IL6R: variants seen among roughly 807,000 people sequenced by gnomAD.
The protein encoded by IL6R is interleukin 6 receptor, also known as interleukin-6 receptor subunit alpha.
A neutral mutation model predicts 48.3 loss-of-function variants in IL6R; 38 were observed. The ratio of observed to expected loss-of-function variants is 0.79; its 90% CI spans 0.61 to 1.03. The LOEUF (loss-of-function observed/expected upper bound fraction) is 1.03. IL6R is among the 50% of genes least tolerant of loss of function. The probability of loss-of-function intolerance (pLI) is 0.00; values close to 1 mark genes in which losing one functional copy is unlikely to be tolerated. For missense variants in IL6R, 534 were observed against 618.3 expected, an observed-to-expected ratio of 0.86 and a Z score of 1.45; for synonymous variants, 264 against 256.2, an observed-to-expected ratio of 1.03 and a Z score of -0.29.
In IL6R at chr1:154,435,176, C is replaced by T. The variant is rs1469002347; in HGVS notation, c.807+20C>T. The T allele has an allele frequency of 9.9e-6, 16 of 1,611,850 alleles. No homozygotes were observed. Among genetic ancestry groups the T allele is most frequent in the Non-Finnish European group, 1.3e-5 (15 of 1,178,384 alleles). ...TGGATGGTAAATTTATGTTTTACTTCTGGTCAGAGAGGCGCCCCTAGATGC... is the reference window on the plus strand; with the variant it reads ...TGGATGGTAAATTTATGTTTTACTTTTGGTCAGAGAGGCGCCCCTAGATGC... On this transcript the variant is annotated intron_variant, in intron 5 of 9. Transcript: ENST00000368485.
intron 6 of IL6R, among the ~76,000 whole-genome samples, chr1:154,447,165 A>G (rs1045713281): frequency 2.6e-5 from 4 of 151,624 alleles, no homozygotes; most frequent in African/African-American, 9.7e-5. Context: ...TTGGCCAGGC[A>G]CGGTAGCTCA....
chr1:154,418,298 T>A (rs892135303), intron 1 of IL6R: 42 of 309,740 alleles, frequency 1.4e-4, no homozygotes, highest in Non-Finnish European at 1.9e-4. Flanking sequence ...TCTCCTGAGT[T>A]GGTCACACGC....
chr1:154,424,868 C>T (rs956312001), intron 1 of IL6R, among the ~76,000 whole-genome samples: 1 of 152,136 alleles, frequency 6.6e-6, no homozygotes, highest in Non-Finnish European at 1.5e-5. Context: ...CTGGGAGCTT[C>T]AGCAAGACTC....
intron 8 of IL6R, among the ~76,000 whole-genome samples, chr1:154,451,409 T>C (rs1193289443): frequency 2.0e-5 from 3 of 151,914 alleles, no homozygotes; most frequent in Admixed American, 1.3e-4. Flanking sequence ...TCCCAGCTAC[T>C]TGGGAGGCTG....
At chr1:154,464,464 T>G (rs1037943724) in intron 9 of IL6R, among the ~76,000 whole-genome samples, 3 of 152,152 alleles carry the variant, frequency 2.0e-5, no homozygotes, top group Non-Finnish European at 2.9e-5. Context: ...CTATTTTTCT[T>G]TTTTTTAAGT....
chr1:154,450,160 C>T lies in IL6R; in HGVS notation c.1066+180C>T, dbSNP rs181833450. 4.2e-4 allele frequency among the ~76,000 whole-genome samples: 52 copies of T among 122,880 alleles called. No homozygotes were observed. In the East Asian group the frequency reaches 8.0e-3, roughly 19 times the overall value. The allele number at this position is 122,880 out of a possible 152,430, so 80.6% of individuals were successfully genotyped here. A position where few individuals can be genotyped will look rare whatever the true frequency, so the allele number is the denominator to read the frequency against. Reference sequence around the variant, plus strand: ...TGTGTGTGTTGGAGAGAGTCTTGCTCGGTTGCCCAGGCTGGAGTGCCGTGG... The same window carrying T: ...TGTGTGTGTTGGAGAGAGTCTTGCTTGGTTGCCCAGGCTGGAGTGCCGTGG... On this transcript the variant is annotated intron_variant, in intron 8 of 9. Transcript: ENST00000368485.
intron 1 of IL6R, among the ~76,000 whole-genome samples, chr1:154,428,958 C>G (rs548650009): frequency 2.6e-5 from 4 of 152,248 alleles, no homozygotes; most frequent in South Asian, 4.1e-4. Flanking sequence ...GAAGGGTTTT[C>G]TAATCCAGGG....
At chr1:154,446,503 A>G (rs535784112) in intron 6 of IL6R, among the ~76,000 whole-genome samples, 1 of 152,304 alleles carries the variant, frequency 6.6e-6, no homozygotes, top group South Asian at 2.1e-4. Context: ...GGAATTTTAG[A>G]ATTCTTGATG....
intron 9 of IL6R, 31 bp downstream of exon 9, chr1:154,454,612 G>A (rs761774618): frequency 1.4e-6 from 2 of 1,420,776 alleles, no homozygotes; most frequent in Non-Finnish European, 9.9e-7. Flanking sequence ...TGGCCCTGTG[G>A]TGTTCTCATA....
chr1:154,435,284 C>T (rs1038121355), intron 5 of IL6R, 128 bp downstream of exon 5: 10 of 788,868 alleles, frequency 1.3e-5, no homozygotes, highest in Admixed American at 2.6e-5. Flanking sequence ...CCAAGGTGGG[C>T]GAATCACTTG....
intron 9 of IL6R, among the ~76,000 whole-genome samples, chr1:154,455,608 A>G (rs1437424338): frequency 2.6e-5 from 4 of 151,322 alleles, no homozygotes; most frequent in African/African-American, 9.7e-5. Flanking sequence ...GCCCGCTACC[A>G]TGCCCGGCTA....
At chr1:154,454,205 C>T in intron 8 of IL6R, 1 of 468,488 alleles carries the variant, frequency 2.1e-6, no homozygotes, top group African/African-American at 1.9e-5. Context: ...CACAGGCGCT[C>T]AGAAACCCTG....
intron 8 of IL6R, 21 bp from the exon 9 acceptor site, chr1:154,454,467 T>C (rs1690757892): frequency 1.3e-6 from 2 of 1,506,642 alleles, no homozygotes; most frequent in Non-Finnish European, 1.8e-6. Flanking sequence ...TCCTCTATCT[T>C]CAATTTTTTT....
In IL6R at chr1:154,469,117, C is replaced by T. The variant is rs959688130; in HGVS notation, c.*3737C>T. The T allele has an allele frequency of 6.6e-6, 1 of 152,208 alleles. No homozygotes were observed. Among genetic ancestry groups the T allele is most frequent in the African/African-American group, 2.4e-5 (1 of 41,434 alleles). The allele number at this position is 152,208 out of a possible 1,614,324, so 9.4% of individuals were successfully genotyped here. The stretch of plus-strand genomic sequence containing the variant: ...CTTAGTGATTATTAAGGAACACTGT[C>T]AGTTTTATGAACATATGCTCAAATG... On this transcript the variant is annotated 3_prime_UTR_variant, in exon 10 of 10. Transcript: ENST00000368485.
intron 9 of IL6R, 27 bp from the exon 10 acceptor site, chr1:154,465,107 G>A: frequency 6.2e-7 from 1 of 1,613,416 alleles, no homozygotes; most frequent in Non-Finnish European, 8.5e-7. Context: ...AAATCTGTGT[G>A]GTTTGTCTTT....
At chr1:154,423,482 T>G (rs1570940314) in intron 1 of IL6R, among the ~76,000 whole-genome samples, 1 of 151,366 alleles carries the variant, frequency 6.6e-6, no homozygotes, top group Admixed American at 6.6e-5. Flanking sequence ...CTGTCAGGGG[T>G]ACTGAGTCAG....
In IL6R at chr1:154,436,118, G is replaced by A. The variant is rs368432006; in HGVS notation, c.949+8G>A. On this transcript the variant is annotated splice_region_variant and intron_variant, in intron 6 of 9. Coordinates refer to ENST00000368485, the MANE Select transcript of IL6R (RefSeq NM_000565.4). Reference sequence around the variant, plus strand: ...TGGGCACGCCTTGGACAGGTACTGCGGTGGGCACTGAGAAAGGAAGGGATG... The same window carrying A: ...TGGGCACGCCTTGGACAGGTACTGCAGTGGGCACTGAGAAAGGAAGGGATG... The A allele has an allele frequency of 3.5e-5, 55 of 1,592,826 alleles. No homozygotes were observed. The East Asian group carries it at 5.7e-4, about 16-fold the overall frequency.
In IL6R at chr1:154,465,502, G is replaced by T. The variant is rs548504207; in HGVS notation, c.*122G>T. 8.6e-7 allele frequency: 1 copy of T among 1,160,356 alleles called. No individual in the cohort carries two copies. The highest frequency in any genetic ancestry group is 1.2e-6 in the Non-Finnish European group (1 of 801,582). The allele number at this position is 1,160,356 out of a possible 1,614,324, so 71.9% of individuals were successfully genotyped here. A position where few individuals can be genotyped will look rare whatever the true frequency, so the allele number is the denominator to read the frequency against. Reference sequence around the variant, plus strand: ...GGGGTGTGCGGCCTTTGGCTTCACGGAAGAGCCTTGCGGAAGGTTCTACGC... The same window carrying T: ...GGGGTGTGCGGCCTTTGGCTTCACGTAAGAGCCTTGCGGAAGGTTCTACGC... On this transcript the variant is annotated 3_prime_UTR_variant, in exon 10 of 10. Coordinates refer to ENST00000368485, the MANE Select transcript of IL6R (RefSeq NM_000565.4).
At chr1:154,439,597 G>A (rs1351078321) in intron 6 of IL6R, among the ~76,000 whole-genome samples, 1 of 152,154 alleles carries the variant, frequency 6.6e-6, no homozygotes, top group African/African-American at 2.4e-5. Context: ...TTACAGGCGT[G>A]AGCCACCGCG....
Sources: allele counts gnomAD v4.1 joint callset (sites outside exome capture counted in the v4.1 genomes callset), GRCh38; gene constraint gnomAD v4.1.1; transcripts MANE v1.5; gene names NCBI Gene and HGNC (gene_info 2026-07-23, HGNC 2026-07-21).